Variants in FHIT observed in about 807,000 individuals in gnomAD.
The protein encoded by FHIT is fragile histidine triad diadenosine triphosphatase.
FHIT carries 19 observed loss-of-function variants against 17.9 expected under a neutral mutation model. That is an observed-to-expected ratio of 1.06 (90% CI 0.74 to 1.56). The LOEUF (loss-of-function observed/expected upper bound fraction) is 1.56. Among genes scored for constraint, FHIT ranks in the 40% most tolerant of loss-of-function variants. FHIT has a pLI of 0.00. For missense variants in FHIT, 248 were observed against 189.2 expected (o/e 1.31, Z -1.82); for synonymous variants, 81 against 69.7 (o/e 1.16, Z -0.81).
At chr3:61,213,368 A>G (rs1254483709) in intron 1 of FHIT, among the ~76,000 whole-genome samples, 1 of 152,216 alleles carries the variant, frequency 6.6e-6, no homozygotes, top group Non-Finnish European at 1.5e-5. Context: ...ACTCTCTGAT[A>G]AAACAGTCTT....
chr3:60,105,397 G>T (rs931298249), intron 5 of FHIT, among the ~76,000 whole-genome samples: 4 of 152,148 alleles, frequency 2.6e-5, no homozygotes, highest in African/African-American at 9.7e-5. Flanking sequence ...TGCCAACAAA[G>T]AACAGAATGT....
At chr3:60,665,961 C>T (rs944327734) in intron 4 of FHIT, among the ~76,000 whole-genome samples, 2 of 151,940 alleles carry the variant, frequency 1.3e-5, no homozygotes, top group Non-Finnish European at 2.9e-5. Context: ...CTGTGGTTTC[C>T]CTGAGTACTA....
chr3:60,059,885 G>T (rs1702230899), intron 5 of FHIT, among the ~76,000 whole-genome samples: 1 of 152,170 alleles, frequency 6.6e-6, no homozygotes, highest in African/African-American at 2.4e-5. Context: ...AATCGACAAT[G>T]GTTTGACTTC....
intron 5 of FHIT, among the ~76,000 whole-genome samples, chr3:60,234,203 T>C (rs1005925376): frequency 9.2e-5 from 14 of 152,132 alleles, no homozygotes; most frequent in Non-Finnish European, 2.1e-4. Context: ...GCTGTGTACA[T>C]AGCACAGGGA....
intron 5 of FHIT, among the ~76,000 whole-genome samples, chr3:60,503,258 G>T (rs992177539): frequency 6.6e-6 from 1 of 152,092 alleles, no homozygotes; most frequent in Non-Finnish European, 1.5e-5. Context: ...TATAAAATTA[G>T]CATATATTAG....
intron 5 of FHIT, among the ~76,000 whole-genome samples, chr3:60,075,564 T>TA (rs1026378496): frequency 2.6e-5 from 4 of 152,126 alleles, no homozygotes; most frequent in African/African-American, 9.7e-5. Context: ...TAAAGAAGGT[T>TA]AAGCAGGTTT....
At chr3:60,429,552 G>C (rs1040509874) in intron 5 of FHIT, among the ~76,000 whole-genome samples, 1 of 152,008 alleles carries the variant, frequency 6.6e-6, no homozygotes, top group Non-Finnish European at 1.5e-5. Context: ...ACCCTGGCAA[G>C]AGCCTCCCCA....
chr3:60,216,232 CTG>C (rs1279373953), intron 5 of FHIT, among the ~76,000 whole-genome samples: 3 of 152,160 alleles, frequency 2.0e-5, no homozygotes, highest in Non-Finnish European at 4.4e-5. Context: ...TATATAGAAA[CTG>C]TGACAATTTG....
At chr3:60,642,623 T>C (rs961878764) in intron 4 of FHIT, among the ~76,000 whole-genome samples, 12 of 152,204 alleles carry the variant, frequency 7.9e-5, no homozygotes, top group African/African-American at 1.7e-4. Flanking sequence ...GCATTTTCCA[T>C]TGGGCTTTAA....
intron 3 of FHIT, among the ~76,000 whole-genome samples, chr3:61,017,082 T>A (rs1272290584): frequency 1.3e-5 from 2 of 151,408 alleles, no homozygotes; most frequent in East Asian, 1.9e-4. Flanking sequence ...AGGTCAGGAG[T>A]TCAAGACCAG....
chr3:61,194,613 G>A (rs1316482316), intron 2 of FHIT, among the ~76,000 whole-genome samples: 1 of 152,112 alleles, frequency 6.6e-6, no homozygotes, highest in Non-Finnish European at 1.5e-5. Context: ...ATTCATTTAT[G>A]AGGAATTGCA....
At chr3:60,018,659 C>G (rs1700435372) in intron 5 of FHIT, among the ~76,000 whole-genome samples, 1 of 152,110 alleles carries the variant, frequency 6.6e-6, no homozygotes, top group South Asian at 2.1e-4. Flanking sequence ...GCATAATAAA[C>G]TACCCCAAAT....
chr3:60,980,984 T>C (rs1419767293), intron 3 of FHIT, among the ~76,000 whole-genome samples: 2 of 152,198 alleles, frequency 1.3e-5, no homozygotes, highest in African/African-American at 2.4e-5. Context: ...GCTCTTCCTC[T>C]CTGCTGAGGG....
chr3:60,607,799 C>T (rs992595771), intron 4 of FHIT, among the ~76,000 whole-genome samples: 28 of 152,094 alleles, frequency 1.8e-4, no homozygotes, highest in Non-Finnish European at 7.3e-5. Flanking sequence ...CATATATACA[C>T]ACATATAAAC....
chr3:60,765,517 T>C (rs1451955407), intron 4 of FHIT: 1 of 152,188 alleles, frequency 6.6e-6, no homozygotes, highest in Non-Finnish European at 1.5e-5. Context: ...GAATCAAATA[T>C]ACTTACACTA....
intron 3 of FHIT, among the ~76,000 whole-genome samples, chr3:60,830,957 G>A (rs1447174320): frequency 2.0e-5 from 3 of 152,136 alleles, no homozygotes; most frequent in Non-Finnish European, 4.4e-5. Context: ...TGATATAAGG[G>A]CAGTAAATAC....
intron 5 of FHIT, among the ~76,000 whole-genome samples, chr3:60,353,381 C>G (rs943456434): frequency 6.6e-6 from 1 of 152,124 alleles, no homozygotes; most frequent in African/African-American, 2.4e-5. Context: ...ATCAAGTGCT[C>G]TGCCCAGTAG....
chr3:59,749,883 G>A (rs1048186883), intron 9 of FHIT: 2 of 225,840 alleles, frequency 8.9e-6, no homozygotes, highest in African/African-American at 4.5e-5. Flanking sequence ...CAAAATCTTA[G>A]GACCCTAAGT....
intron 8 of FHIT, among the ~76,000 whole-genome samples, chr3:59,772,767 C>CAGAAG (rs1442153531): frequency 6.6e-6 from 1 of 152,130 alleles, no homozygotes; most frequent in African/African-American, 2.4e-5. Context: ...TTAGACCACC[C>CAGAAG]AGAAGAGCTC....
Sources: gnomAD v4.1 joint callset for allele counts (sites outside exome capture counted in the v4.1 genomes callset) on GRCh38, gnomAD v4.1.1 for gene constraint, MANE v1.5 for transcripts, NCBI Gene and HGNC (gene_info 2026-07-23, HGNC 2026-07-21) for gene names.